Variants in DLGAP2 observed in about 807,000 individuals in gnomAD.
DLGAP2 encodes disks large-associated protein 2.
A neutral mutation model predicts 100.3 loss-of-function variants in DLGAP2; 26 were observed. The ratio of observed to expected loss-of-function variants is 0.26; its 90% CI spans 0.19 to 0.36. The LOEUF is 0.36. Ranked by LOEUF, DLGAP2 falls within the 10% of genes least tolerant of loss-of-function variation. The pLI is 1.00. For synonymous variants in DLGAP2, 886 were observed against 630.1 expected (o/e 1.41, Z -6.08); for missense variants, 1,858 against 1,453.2 (o/e 1.28, Z -4.53).
chr8:857,323 A>G (rs1391058403), intron 1 of DLGAP2, among the ~76,000 whole-genome samples: 1 of 152,246 alleles, frequency 6.6e-6, no homozygotes, highest in Admixed American at 6.5e-5. Flanking sequence ...GATGCATGAG[A>G]AAAATTGAAA....
At chr8:1,499,941 G>A (rs533892422) in intron 3 of DLGAP2, among the ~76,000 whole-genome samples, 74 of 118,020 alleles carry the variant, frequency 6.3e-4, no homozygotes, top group African/African-American at 2.0e-3. Context: ...AAATAAATCC[G>A]TTTGCAGACT....
intron 2 of DLGAP2, among the ~76,000 whole-genome samples, chr8:1,203,431 C>T (rs17062791): frequency 0.14 from 15,687 of 109,984 alleles, 2,456 homozygotes; most frequent in Middle Eastern, 0.32. Flanking sequence ...ACTGATGACC[C>T]TGAGAGTTGA....
Position 1,701,373 on chromosome 8 carries a change from G to C in DLGAP2, c.3135G>C (p.Glu1045Asp). The C allele has an allele frequency of 1.3e-6, 2 of 1,598,390 alleles. No homozygotes were observed. The highest frequency in any genetic ancestry group is 1.7e-6 in the Non-Finnish European group (2 of 1,173,360). The stretch of plus-strand genomic sequence containing the variant: ...CCTCCGAGCGCGCGGACAGCATCGA[G>C]ATCTACATCCCCGAGGCCCAGACCC... ...NSASERADSI[E>D]IYIPEAQTRL The change falls in exon 15 of 15, where the codon GAG (glutamate) becomes GAC (aspartate). Residue 1045 changes from glutamate to aspartate, a missense_variant. Glu to Asp is a conservative substitution (Grantham distance 45). Coordinates refer to ENST00000637795, the MANE Select transcript of DLGAP2 (RefSeq NM_001346810.2).
chr8:1,037,970 T>G lies in DLGAP2; in HGVS notation c.73+130004T>G, dbSNP rs1337537851. Reference sequence around the variant, plus strand: ...GAACCTCTGCGCTAAGCTGAGGTTTTGTAGACACGGAGGAGGTTGGTGTCC... The same window carrying G: ...GAACCTCTGCGCTAAGCTGAGGTTTGGTAGACACGGAGGAGGTTGGTGTCC... On this transcript the variant is annotated intron_variant, in intron 2 of 14. Transcript: ENST00000637795. Among the ~76,000 whole-genome samples, 3 of 152,214 alleles carry G rather than the reference T, an allele frequency of 2.0e-5. No homozygotes were observed. In the East Asian group the frequency reaches 5.8e-4, roughly 29 times the overall value.
At chr8:1,302,715 T>G (rs533063815) in intron 3 of DLGAP2, 7 of 152,370 alleles carry the variant, frequency 4.6e-5, no homozygotes, top group African/African-American at 1.7e-4. Context: ...ATGACCCCAG[T>G]TACGGGTAAC....
chr8:911,694 A>G (rs1036454813), intron 2 of DLGAP2, among the ~76,000 whole-genome samples: 1 of 151,014 alleles, frequency 6.6e-6, no homozygotes, highest in Admixed American at 6.6e-5. Context: ...TGTTGGAAGG[A>G]TGTTGGAGAA....
chr8:1,111,068 G>C (rs1804941440), intron 2 of DLGAP2, among the ~76,000 whole-genome samples: 1 of 152,212 alleles, frequency 6.6e-6, no homozygotes, highest in African/African-American at 2.4e-5. Context: ...GCACGCCACA[G>C]TGCCCGACTC....
intron 6 of DLGAP2, among the ~76,000 whole-genome samples, chr8:1,615,997 G>A (rs1004895559): frequency 1.1e-4 from 16 of 152,030 alleles, no homozygotes; most frequent in Non-Finnish European, 4.4e-5. Flanking sequence ...TCTGTTACAA[G>A]GTTAAAGATG....
At position 1,577,238 on chromosome 8, in the gene DLGAP2, C is replaced by A. The variant is rs987208640; in HGVS notation, c.1442+11344C>A. On this transcript the variant is annotated intron_variant, in intron 6 of 14. Transcript: ENST00000637795. ...CTTAAAATCACAACACACTTTTTAA[C>A]CCCGTAAATACACATACTTTGTCAA... 2.8e-4 allele frequency among the ~76,000 whole-genome samples: 43 copies of A among 152,292 alleles called. 1 individual carries two copies. Among genetic ancestry groups the A allele is most frequent in the African/African-American group, 9.6e-4 (40 of 41,568 alleles).
At chr8:1,331,683 C>T (rs772702588) in intron 3 of DLGAP2, among the ~76,000 whole-genome samples, 16 of 152,140 alleles carry the variant, frequency 1.1e-4, no homozygotes, top group Non-Finnish European at 2.2e-4. Context: ...AAAAATATCC[C>T]GGATGTGAAA....
chr8:1,519,391 T>A (rs1453862412), intron 4 of DLGAP2, among the ~76,000 whole-genome samples: 1 of 152,192 alleles, frequency 6.6e-6, no homozygotes, highest in Non-Finnish European at 1.5e-5. Context: ...TTCAGTGTTT[T>A]GCACGACAAG....
Position 1,678,272 on chromosome 8 carries a change from C to T in DLGAP2, c.2347C>T (p.Leu783=), listed in dbSNP as rs1250829508. Residue 783 remains leucine (L), a synonymous_variant, in exon 12 of 15, where the codon CTG becomes TTG. Transcript: ENST00000637795. ...GGCCGCCGTCCAAGCTGACCTGGAG[C>T]TGGAGGGGTTCCCAGGCCACATCAC... ...VTAAVQADLE[L]EGFPGHITTE... 6.2e-7 allele frequency: 1 copy of T among 1,613,900 alleles called. No homozygotes were observed.
At chr8:1,191,615 G>A (rs1211273715) in intron 2 of DLGAP2, among the ~76,000 whole-genome samples, 13 of 151,986 alleles carry the variant, frequency 8.6e-5, no homozygotes, top group Non-Finnish European at 1.9e-4. Flanking sequence ...GCCACAACGC[G>A]CCGTATCTGG....
At chr8:1,032,514 G>A (rs1019776867) in intron 2 of DLGAP2, 1 of 152,204 alleles carries the variant, frequency 6.6e-6, no homozygotes, top group African/African-American at 2.4e-5. Flanking sequence ...CATATTACAG[G>A]ACTAAGGGAG....
chr8:1,024,569 G>T lies in DLGAP2; in HGVS notation c.73+116603G>T, dbSNP rs1048145249. Among the ~76,000 whole-genome samples, 9 of 152,318 alleles carry T rather than the reference G, an allele frequency of 5.9e-5. No homozygotes were observed. The East Asian group carries it at 1.7e-3, about 29-fold the overall frequency. ...CGGCTCTTCCCCCGCTGTGCCCTCT[G>T]TGGTGGGGGTGCCTCCTTGCTTCCT... On this transcript the variant is annotated intron_variant, in intron 2 of 14. Transcript: ENST00000637795.
At chr8:1,132,909 G>A (rs79232219) in intron 2 of DLGAP2, among the ~76,000 whole-genome samples, 2,816 of 152,284 alleles carry the variant, frequency 0.018, 103 homozygotes, top group African/African-American at 0.065. Context: ...AAATTTGGGG[G>A]TCAACAGAAA....
intron 1 of DLGAP2, among the ~76,000 whole-genome samples, chr8:843,834 C>T (rs981219923): frequency 6.6e-6 from 1 of 152,194 alleles, no homozygotes; most frequent in African/African-American, 2.4e-5. Context: ...GATATCTTTA[C>T]ATTTCTTCAC....
intron 3 of DLGAP2, among the ~76,000 whole-genome samples, chr8:1,314,585 C>G (rs1388735102): frequency 1.3e-5 from 2 of 152,218 alleles, no homozygotes; most frequent in Non-Finnish European, 2.9e-5. Context: ...TCCTGTGTCA[C>G]CGCCTCTCAG....
At chr8:1,120,172 T>G (rs1459558830) in intron 2 of DLGAP2, among the ~76,000 whole-genome samples, 3 of 152,076 alleles carry the variant, frequency 2.0e-5, no homozygotes, top group Non-Finnish European at 4.4e-5. Context: ...AGGCTAAGGG[T>G]TCAGCCCCTT....
Sources: allele counts gnomAD v4.1 joint callset (sites outside exome capture counted in the v4.1 genomes callset), GRCh38; gene constraint gnomAD v4.1.1; transcripts MANE v1.5; gene names NCBI Gene and HGNC (gene_info 2026-07-23, HGNC 2026-07-21).